The following TNS1 variants were observed in gnomAD, a reference collection of about 807,000 sequenced individuals.
TNS1 encodes tensin 1, also known as tensin-1.
TNS1 carries 62 observed loss-of-function variants against 168.6 expected under a neutral mutation model. The observed-to-expected ratio is 0.37, with a 90% CI of 0.30 to 0.45. The LOEUF is 0.45. TNS1 is among the 20% of genes least tolerant of loss of function. The pLI is 1.00. For missense variants in TNS1, 2,240 were observed against 2,339.4 expected, an observed-to-expected ratio of 0.96 and a Z score of 0.88; for synonymous variants, 934 against 933.2, an observed-to-expected ratio of 1.00 and a Z score of -0.02.
chr2:217,857,322 C>T (rs1240676100), intron 18 of TNS1, among the ~76,000 whole-genome samples: 15 of 152,152 alleles, frequency 9.9e-5, no homozygotes, highest in Non-Finnish European at 1.2e-4. Context: ...CAATGAAGCT[C>T]AGCAGGCTCA....
intron 3 of TNS1, among the ~76,000 whole-genome samples, chr2:217,972,055 A>G (rs918082592): frequency 5.3e-5 from 8 of 152,242 alleles, no homozygotes; most frequent in African/African-American, 1.9e-4. Flanking sequence ...AGAAGAATAC[A>G]AAATAATAAG....
chr2:218,002,741 C>G (rs553740356), intron 1 of TNS1, 99 bp downstream of exon 1: 1 of 454,734 alleles, frequency 2.2e-6, no homozygotes. Context: ...TGACACCCCC[C>G]GACCCCGGGC....
intron 18 of TNS1, among the ~76,000 whole-genome samples, chr2:217,870,734 G>A (rs1024667327): frequency 2.0e-5 from 3 of 152,222 alleles, no homozygotes; most frequent in East Asian, 1.9e-4. Flanking sequence ...ACATTCACTC[G>A]GGAGGGTATT....
At position 217,848,485 on chromosome 2, in the gene TNS1, T is replaced by C. The variant is rs1947004004; in HGVS notation, c.2032A>G (p.Met678Val). 5 of 1,613,320 alleles carry C rather than the reference T, an allele frequency of 3.1e-6. No individual in the cohort carries two copies. Among genetic ancestry groups the C allele is most frequent in the Non-Finnish European group, 4.2e-6 (5 of 1,179,450 alleles). Residue 678 changes from methionine (M) to valine (V), a missense_variant, in exon 19 of 33, where the codon ATG (methionine) becomes GTG (valine). Transcript: ENST00000682258. Reference sequence around the variant, plus strand: ...TAGGGGTAGCCTCCTCCATTGACCATAGGCTCCATGGGGTAGGACTTGTCC... The same window carrying C: ...TAGGGGTAGCCTCCTCCATTGACCACAGGCTCCATGGGGTAGGACTTGTCC... ...GLDKSYPMEP[M>V]VNGGGYPYES... is the part of the protein sequence containing the mutation.
chr2:217,828,228 G>A (rs1943895406), intron 22 of TNS1, among the ~76,000 whole-genome samples: 1 of 152,196 alleles, frequency 6.6e-6, no homozygotes, highest in African/African-American at 2.4e-5. Flanking sequence ...GTCTCTGGAA[G>A]CTGCCCTGTT....
At chr2:217,805,466 CCACACACACCA>C (rs1559131514) in intron 32 of TNS1, among the ~76,000 whole-genome samples, 10 of 71,790 alleles carry the variant, frequency 1.4e-4, no homozygotes, top group Admixed American at 2.8e-4. Context: ...ACACACACCA[CCACACACACCA>C]CACACACCAC....
chr2:217,847,213 A>C (rs975108745), intron 19 of TNS1, among the ~76,000 whole-genome samples: 1 of 152,122 alleles, frequency 6.6e-6, no homozygotes, highest in Non-Finnish European at 1.5e-5. Flanking sequence ...CACCTCTGTC[A>C]CCGTACACAT....
At chr2:217,968,989 A>T (rs1575146361) in intron 3 of TNS1, among the ~76,000 whole-genome samples, 1 of 151,740 alleles carries the variant, frequency 6.6e-6, no homozygotes, top group African/African-American at 2.4e-5. Context: ...ATGAGTCACC[A>T]CTCCCAGCCT....
At position 217,886,782 on chromosome 2, in the gene TNS1, C is replaced by T. The variant is rs183581401; in HGVS notation, c.867-136G>A. On this transcript the variant is annotated intron_variant, in intron 12 of 32. Transcript: ENST00000682258. ...CTCCCCAACCAACATGGTCCCCCTCCCCAACCAGGCCTCCCTCCCAGACAT... is the reference window on the plus strand; with the variant it reads ...CTCCCCAACCAACATGGTCCCCCTCTCCAACCAGGCCTCCCTCCCAGACAT... The T allele has an allele frequency of 1.4e-4, 97 of 681,728 alleles. No homozygotes were observed. In the African/African-American group the frequency reaches 1.6e-3, roughly 11 times the overall value. The allele number at this position is 681,728 out of a possible 1,614,324, so 42.2% of individuals were successfully genotyped here.
At chr2:217,982,989 C>T (rs965438398) in intron 2 of TNS1, among the ~76,000 whole-genome samples, 1 of 152,308 alleles carries the variant, frequency 6.6e-6, no homozygotes, top group Non-Finnish European at 1.5e-5. Context: ...AGACACCCCC[C>T]ACCACCAATG....
intron 3 of TNS1, among the ~76,000 whole-genome samples, chr2:217,946,957 T>TCACA (rs1234529063): frequency 1.3e-4 from 15 of 112,542 alleles, no homozygotes; most frequent in African/African-American, 8.6e-4. Flanking sequence ...TCTCTCTCTC[T>TCACA]CTCTCTCTCT....
At chr2:217,876,583 C>T (rs541100505) in intron 18 of TNS1, among the ~76,000 whole-genome samples, 9 of 152,256 alleles carry the variant, frequency 5.9e-5, no homozygotes, top group Middle Eastern at 3.4e-3. Flanking sequence ...TCAGGTGTGA[C>T]GAGCTGAACT....
At chr2:217,898,013 C>T (rs1234771266) in intron 7 of TNS1, 44 bp from the exon 8 acceptor site, 1 of 1,548,862 alleles carries the variant, frequency 6.5e-7, no homozygotes, top group East Asian at 2.4e-5. Context: ...CAGAATCCAG[C>T]CCACAGGGAA....
chr2:217,947,567 C>T (rs941890461), intron 3 of TNS1, among the ~76,000 whole-genome samples: 1 of 152,008 alleles, frequency 6.6e-6, no homozygotes, highest in Non-Finnish European at 1.5e-5. Context: ...AACAGAGAGG[C>T]CATTGAGGAG....
intron 1 of TNS1, among the ~76,000 whole-genome samples, chr2:218,020,308 A>G (rs1958796668): frequency 6.6e-6 from 1 of 151,998 alleles, no homozygotes; most frequent in South Asian, 2.1e-4. Context: ...CCTCTCTTCA[A>G]TTCAGCAAGG....
At chr2:217,941,015 G>T (rs971250027) in intron 3 of TNS1, among the ~76,000 whole-genome samples, 7 of 152,152 alleles carry the variant, frequency 4.6e-5, no homozygotes, top group African/African-American at 1.7e-4. Context: ...GCCTTGCCTT[G>T]CACCCCTCAC....
At chr2:217,898,748 C>T (rs906876219) in intron 7 of TNS1, among the ~76,000 whole-genome samples, 11 of 152,352 alleles carry the variant, frequency 7.2e-5, no homozygotes, top group Non-Finnish European at 1.5e-4. Flanking sequence ...ATGCGTTTCC[C>T]GGAGAGGTGG....
intron 22 of TNS1, among the ~76,000 whole-genome samples, chr2:217,823,640 C>T (rs1943204160): frequency 6.6e-6 from 1 of 152,182 alleles, no homozygotes; most frequent in Admixed American, 6.5e-5. Flanking sequence ...CCAGAGGCTG[C>T]AATGGAGTCT....
intron 2 of TNS1, among the ~76,000 whole-genome samples, chr2:217,979,735 A>G (rs911517462): frequency 5.3e-5 from 8 of 151,990 alleles, no homozygotes; most frequent in African/African-American, 1.9e-4. Context: ...TGGGTTTTGC[A>G]CTGCTTTGGG....
Sources: gnomAD v4.1 joint callset for allele counts (sites outside exome capture counted in the v4.1 genomes callset) on GRCh38, gnomAD v4.1.1 for gene constraint, MANE v1.5 for transcripts, NCBI Gene and HGNC (gene_info 2026-07-23, HGNC 2026-07-21) for gene names.